Variants in RHOH observed in about 807,000 individuals in gnomAD.
The protein encoded by RHOH is rho-related GTP-binding protein RhoH.
A neutral mutation model predicts 13.8 loss-of-function variants in RHOH; 6 were observed. That is an observed-to-expected ratio of 0.44 (90% CI 0.24 to 0.86). The LOEUF is 0.86. RHOH is among the 40% of genes least tolerant of loss of function. The pLI is 0.24. For missense variants in RHOH, 147 were observed against 244.5 expected (o/e 0.60, Z 2.66); for synonymous variants, 117 against 103.0 (o/e 1.14, Z -0.82).
chr4:40,233,127 G>A (rs974087370), intron 1 of RHOH, among the ~76,000 whole-genome samples: 7 of 152,028 alleles, frequency 4.6e-5, no homozygotes, highest in African/African-American at 1.2e-4. Context: ...ATACTTCTAC[G>A]GTACTCACTC....
intron 1 of RHOH, among the ~76,000 whole-genome samples, chr4:40,199,409 GT>G (rs1723670737): frequency 6.6e-6 from 1 of 152,136 alleles, no homozygotes; most frequent in African/African-American, 2.4e-5. Flanking sequence ...GGGAATTAAC[GT>G]TTTTTGAGCA....
chr4:40,194,002 A>G (rs533359524), upstream of RHOH, among the ~76,000 whole-genome samples: 1 of 152,020 alleles, frequency 6.6e-6, no homozygotes, highest in African/African-American at 2.4e-5. Context: ...CTCCCCTTCT[A>G]CTTAGGAGAT....
chr4:40,199,298 A>G (rs1723654069), intron 1 of RHOH, among the ~76,000 whole-genome samples: 1 of 152,192 alleles, frequency 6.6e-6, no homozygotes, highest in Non-Finnish European at 1.5e-5. Flanking sequence ...GCCACAAATG[A>G]AGGTGTTATG....
intron 1 of RHOH, among the ~76,000 whole-genome samples, chr4:40,222,231 G>C (rs1726672573): frequency 6.6e-6 from 1 of 152,208 alleles, no homozygotes; most frequent in South Asian, 2.1e-4. Flanking sequence ...TCTAGCTAAG[G>C]TCATTGATGA....
chr4:40,237,470 A>G (rs1579333236), intron 1 of RHOH, among the ~76,000 whole-genome samples: 2 of 150,860 alleles, frequency 1.3e-5, no homozygotes, highest in Non-Finnish European at 1.5e-5. Context: ...AAAAAAAAAA[A>G]GAACAAAGCA....
intron 1 of RHOH, among the ~76,000 whole-genome samples, chr4:40,204,262 T>G (rs1724377038): frequency 6.6e-6 from 1 of 152,224 alleles, no homozygotes; most frequent in South Asian, 2.1e-4. Context: ...TCAGGGCCTC[T>G]GATCTCTTGA....
intron 1 of RHOH, among the ~76,000 whole-genome samples, chr4:40,221,520 G>C (rs1268373752): frequency 6.6e-6 from 1 of 152,076 alleles, no homozygotes; most frequent in African/African-American, 2.4e-5. Flanking sequence ...ATCTGTTATG[G>C]TCATCTGTGA....
At chr4:40,202,418 A>G (rs1314572433) in intron 1 of RHOH, among the ~76,000 whole-genome samples, 2 of 152,234 alleles carry the variant, frequency 1.3e-5, no homozygotes, top group Admixed American at 6.5e-5. Flanking sequence ...TTGGTATGTT[A>G]GAATGGTGAA....
At chr4:40,240,983 C>T (rs961659705) in intron 1 of RHOH, among the ~76,000 whole-genome samples, 1 of 151,432 alleles carries the variant, frequency 6.6e-6, no homozygotes, top group African/African-American at 2.4e-5. Context: ...ATAATGAGAC[C>T]CCCACTCTAT....
intron 1 of RHOH, among the ~76,000 whole-genome samples, chr4:40,210,085 TGTGC>T (rs1553933899): frequency 2.6e-5 from 3 of 117,596 alleles, no homozygotes; most frequent in African/African-American, 7.1e-5. Flanking sequence ...GATTACATTG[TGTGC>T]GTGTGTGTGT....
In RHOH at chr4:40,209,056, A is replaced by G. The variant is rs142846027; in HGVS notation, c.-331+11756A>G. Among the ~76,000 whole-genome samples the G allele has an allele frequency of 3.9e-5, 6 of 152,280 alleles. No individual in the cohort carries two copies. The East Asian group carries it at 1.2e-3, about 29-fold the overall frequency. On this transcript the variant is annotated intron_variant, in intron 1 of 2. Coordinates refer to ENST00000381799, the MANE Select transcript of RHOH (RefSeq NM_004310.5). Reference sequence around the variant, plus strand: ...ATATTGTTTGTATATAAAAAAGGCCAATAATCCTTATTAACAGAATGTCAG... The same window carrying G: ...ATATTGTTTGTATATAAAAAAGGCCGATAATCCTTATTAACAGAATGTCAG...
At chr4:40,224,393 C>G (rs191951586) in intron 1 of RHOH, among the ~76,000 whole-genome samples, 76 of 152,320 alleles carry the variant, frequency 5.0e-4, no homozygotes, top group Admixed American at 1.6e-3. Flanking sequence ...GTAGACACAT[C>G]AGTACAACGT....
At chr4:40,241,329 TA>T (rs1729220041) in intron 1 of RHOH, among the ~76,000 whole-genome samples, 1 of 152,352 alleles carries the variant, frequency 6.6e-6, no homozygotes, top group Admixed American at 6.5e-5. Context: ...TGGCTTCCTA[TA>T]ATTCCCAGAT....
At chr4:40,208,565 CT>C (rs1392667870) in intron 1 of RHOH, among the ~76,000 whole-genome samples, 1 of 152,136 alleles carries the variant, frequency 6.6e-6, no homozygotes, top group Non-Finnish European at 1.5e-5. Context: ...ACTTAATATG[CT>C]CTGTTCTCAA....
In RHOH at chr4:40,224,259, G is replaced by T. The variant is rs138087106; in HGVS notation, c.-330-18455G>T. Among the ~76,000 whole-genome samples, 35 of 152,272 alleles carry T rather than the reference G, an allele frequency of 2.3e-4. No homozygotes were observed. The East Asian group carries it at 6.4e-3, about 28-fold the overall frequency. ...CTTCTAATGCTGAGTGGATTCTATC[G>T]AATGGATATGGCATAATTAATTTAA... On this transcript the variant is annotated intron_variant, in intron 1 of 2. Transcript: ENST00000381799.
rs867773770 is a variant in RHOH at position 40,201,956 on chromosome 4, T to G, written c.-331+4656T>G. On this transcript the variant is annotated intron_variant, in intron 1 of 2. Coordinates refer to ENST00000381799, the MANE Select transcript of RHOH (RefSeq NM_004310.5). ...CATTAACTCCATGAGTTTTTTTTTT[T>G]TTTTTTTTTTTTTTAAGACAGGGTC... Among the ~76,000 whole-genome samples, 385 of 150,482 alleles carry G rather than the reference T, an allele frequency of 2.6e-3. 1 individual carries two copies. The highest frequency in any genetic ancestry group is 0.01 in the Middle Eastern group (3 of 292).
chr4:40,227,016 G>A (rs1471812680), intron 1 of RHOH, among the ~76,000 whole-genome samples: 5 of 152,034 alleles, frequency 3.3e-5, no homozygotes, highest in Admixed American at 6.6e-5. Flanking sequence ...AAAATTATCC[G>A]GGTGTGGTGG....
At chr4:40,197,389 G>A (rs754016855) in intron 1 of RHOH, 89 bp downstream of exon 1, 3 of 151,672 alleles carry the variant, frequency 2.0e-5, no homozygotes, top group Admixed American at 1.3e-4. Flanking sequence ...GCCAAACATC[G>A]TAATGACTCT....
chr4:40,197,531 T>G (rs75968522), intron 1 of RHOH, among the ~76,000 whole-genome samples: 2 of 152,290 alleles, frequency 1.3e-5, no homozygotes, highest in Admixed American at 6.5e-5. Context: ...GTTACAATAG[T>G]TGGCTTTTTG....
Sources: allele counts gnomAD v4.1 joint callset (sites outside exome capture counted in the v4.1 genomes callset), GRCh38; gene constraint gnomAD v4.1.1; transcripts MANE v1.5; gene names NCBI Gene and HGNC (gene_info 2026-07-23, HGNC 2026-07-21).